Variants in MPZL1 observed in about 807,000 individuals in gnomAD.
MPZL1 encodes the protein myelin protein zero like 1.
In MPZL1, 16 loss-of-function variants were observed where a neutral mutation model predicts 29.3. That is an observed-to-expected ratio of 0.55 (90% CI 0.37 to 0.83). The LOEUF (loss-of-function observed/expected upper bound fraction) is 0.83, where lower values mean the gene tolerates loss of function less well. Among genes scored for constraint, MPZL1 ranks in the 40% least tolerant of loss-of-function variants. The probability of loss-of-function intolerance (pLI) is 0.00; values close to 1 mark genes in which losing one functional copy is unlikely to be tolerated. For missense variants in MPZL1, 279 were observed against 332.9 expected, an observed-to-expected ratio of 0.84 and a Z score of 1.26; for synonymous variants, 143 against 132.0, an observed-to-expected ratio of 1.08 and a Z score of -0.57.
At chr1:167,765,826 T>C in intron 2 of MPZL1, 77 bp downstream of exon 2, 1 of 1,327,596 alleles carries the variant, frequency 7.5e-7, no homozygotes, top group Non-Finnish European at 1.0e-6. Flanking sequence ...GATCCATTTT[T>C]CTGATGGTTC....
chr1:167,769,429 G>A (rs1661192777), intron 2 of MPZL1, among the ~76,000 whole-genome samples: 1 of 152,206 alleles, frequency 6.6e-6, no homozygotes, highest in African/African-American at 2.4e-5. Context: ...TGAGCTTGGG[G>A]TTCCTCGGCT....
intron 1 of MPZL1, among the ~76,000 whole-genome samples, chr1:167,740,836 G>A (rs945518262): frequency 1.3e-5 from 2 of 152,136 alleles, no homozygotes; most frequent in East Asian, 3.8e-4. Context: ...CTTCTCTCCA[G>A]TTAAATCTAT....
intron 5 of MPZL1, among the ~76,000 whole-genome samples, chr1:167,782,564 G>A (rs138445512): frequency 9.2e-5 from 14 of 152,186 alleles, no homozygotes; most frequent in African/African-American, 3.4e-4. Context: ...ATGCACAGGA[G>A]GTAAAAAAAT....
rs192760171 is a variant in MPZL1 at position 167,786,040 on chromosome 1, G to A, written c.709-1780G>A. Among the ~76,000 whole-genome samples the A allele has an allele frequency of 2.8e-3, 425 of 152,220 alleles. 2 individuals are homozygous for A. Among genetic ancestry groups the A allele is most frequent in the African/African-American group, 9.5e-3 (394 of 41,540 alleles). ...GATCTCCTGACCTCATGATCCGCCC[G>A]CCTCGGCCTCCCAAAGTGCTGGGAT... On this transcript the variant is annotated intron_variant, in intron 5 of 5. Coordinates refer to ENST00000359523, the MANE Select transcript of MPZL1 (RefSeq NM_003953.6).
intron 2 of MPZL1, among the ~76,000 whole-genome samples, chr1:167,766,268 T>G (rs1243590073): frequency 6.6e-6 from 1 of 152,162 alleles, no homozygotes; most frequent in Admixed American, 6.5e-5. Context: ...AAGGCTGATA[T>G]ATAGATGACT....
intron 1 of MPZL1, among the ~76,000 whole-genome samples, chr1:167,739,298 T>C (rs1423152188): frequency 4.1e-4 from 48 of 116,650 alleles, no homozygotes; most frequent in African/African-American, 2.0e-3. Flanking sequence ...TATATATATA[T>C]ATATATATAT....
Position 167,722,030 on chromosome 1 carries a change from G to A in MPZL1, c.-122G>A. The A allele has an allele frequency of 8.3e-7, 1 of 1,207,406 alleles. No homozygotes were observed. The allele number at this position is 1,207,406 out of a possible 1,614,324, so 74.8% of individuals were successfully genotyped here. On this transcript the variant is annotated 5_prime_UTR_variant, in exon 1 of 6. Transcript: ENST00000359523. ...GGACCGGAGTGGGGAGCGCGGCGTG[G>A]AGGTGCCACCCGGCGCGGGTGGCGG...
At chr1:167,728,362 C>CTTTTTTTT (rs71097693) in intron 1 of MPZL1, among the ~76,000 whole-genome samples, 3 of 117,678 alleles carry the variant, frequency 2.5e-5, no homozygotes, top group Non-Finnish European at 3.4e-5. Flanking sequence ...TTCTTTCTTT[C>CTTTTTTTT]TTTTTTTTTT....
chr1:167,741,836 C>T (rs916402159), intron 1 of MPZL1, among the ~76,000 whole-genome samples: 2 of 151,972 alleles, frequency 1.3e-5, no homozygotes, highest in Non-Finnish European at 2.9e-5. Flanking sequence ...AGTTCAAGAC[C>T]GGCCTGGGCA....
intron 1 of MPZL1, among the ~76,000 whole-genome samples, chr1:167,725,662 T>C (rs1183169000): frequency 6.6e-6 from 1 of 152,162 alleles, no homozygotes; most frequent in Non-Finnish European, 1.5e-5. Context: ...ATTTTTGTAT[T>C]TTTTAGTAGA....
intron 1 of MPZL1, among the ~76,000 whole-genome samples, chr1:167,728,338 T>G (rs191975925): frequency 6.7e-6 from 1 of 150,330 alleles, no homozygotes; most frequent in East Asian, 1.9e-4. Context: ...CCAAATTTTT[T>G]TTCTTTTTTT....
intron 2 of MPZL1, among the ~76,000 whole-genome samples, chr1:167,768,587 ATGATTCTAGTCTTTTCTG>A (rs1250377001): frequency 1.3e-5 from 2 of 152,204 alleles, no homozygotes; most frequent in African/African-American, 4.8e-5. Context: ...TTGATTGATA[ATGATTCTAGTCTTTTCTG>A]TGAATTTTTC....
rs1006854352 is a variant in MPZL1, at chr1:167,789,873, T to G, written c.*1952T>G. On this transcript the variant is annotated 3_prime_UTR_variant, in exon 6 of 6. Transcript: ENST00000359523. Reference sequence around the variant, plus strand: ...ACTCTGCCTTGCATCCTAAAACTTTTTGGGCATCTATTTTGAAAACTATAG... The same window carrying G: ...ACTCTGCCTTGCATCCTAAAACTTTGTGGGCATCTATTTTGAAAACTATAG... 1 of 152,250 alleles carries G rather than the reference T, an allele frequency of 6.6e-6. No homozygotes were observed. The highest frequency in any genetic ancestry group is 2.4e-5 in the African/African-American group (1 of 41,470). The allele number at this position is 152,250 out of a possible 1,614,324, so 9.4% of individuals were successfully genotyped here.
chr1:167,785,262 A>G (rs1446368818), intron 5 of MPZL1, among the ~76,000 whole-genome samples: 2 of 152,236 alleles, frequency 1.3e-5, no homozygotes, highest in African/African-American at 2.4e-5. Flanking sequence ...TCTCACTTAC[A>G]GTCTAACCAT....
chr1:167,733,056 T>C (rs1466718804), intron 1 of MPZL1, among the ~76,000 whole-genome samples: 1 of 152,246 alleles, frequency 6.6e-6, no homozygotes, highest in Non-Finnish European at 1.5e-5. Context: ...CTTTCTGTTT[T>C]TATGATTCAC....
rs1661673834 is a variant in MPZL1, at chr1:167,790,010, C to G, written c.*2089C>G. ...GCCACCATGAAAACCACATAGCTGA[C>G]CAGGGCTGTGCTTGAGGTACAGAGG... On this transcript the variant is annotated 3_prime_UTR_variant, in exon 6 of 6. Transcript: ENST00000359523. 6.6e-6 allele frequency: 1 copy of G among 152,202 alleles called. No homozygotes were observed. The highest frequency in any genetic ancestry group is 2.1e-4 in the South Asian group (1 of 4,828). 9.4% of individuals were successfully genotyped at this position (152,202 alleles called of 1,614,324 possible).
intron 1 of MPZL1, among the ~76,000 whole-genome samples, chr1:167,738,062 A>T (rs985670801): frequency 6.6e-6 from 1 of 151,990 alleles, no homozygotes; most frequent in African/African-American, 2.4e-5. Flanking sequence ...AGTTGCTGGG[A>T]CTACAGGCGC....
chr1:167,756,942 G>A (rs913850064), intron 1 of MPZL1, among the ~76,000 whole-genome samples: 4 of 152,122 alleles, frequency 2.6e-5, no homozygotes, highest in Non-Finnish European at 4.4e-5. Context: ...TGGGGCAGAC[G>A]CTAGGAGGAA....
At chr1:167,760,818 C>G (rs900404554) in intron 1 of MPZL1, among the ~76,000 whole-genome samples, 1 of 144,894 alleles carries the variant, frequency 6.9e-6, no homozygotes, top group African/African-American at 2.6e-5. Flanking sequence ...GCATTTGAAA[C>G]TGAGTGAGGT....
Sources: allele counts gnomAD v4.1 joint callset (sites outside exome capture counted in the v4.1 genomes callset), GRCh38; gene constraint gnomAD v4.1.1; transcripts MANE v1.5; gene names NCBI Gene and HGNC (gene_info 2026-07-23, HGNC 2026-07-21).